TOM1L1: variants seen among roughly 807,000 people sequenced by gnomAD.
The protein encoded by TOM1L1 is TOM1-like protein 1.
Under a neutral mutation model 63.4 loss-of-function variants are expected in TOM1L1, and 64 were observed. The ratio of observed to expected loss-of-function variants is 1.01; its 90% CI spans 0.83 to 1.24. The LOEUF (loss-of-function observed/expected upper bound fraction) is 1.24. Ranked by LOEUF, TOM1L1 falls within the 50% of genes most tolerant of loss-of-function variation. The pLI is 0.00. For synonymous variants in TOM1L1, 166 were observed against 194.4 expected (o/e 0.85, Z 1.22); for missense variants, 536 against 567.0 (o/e 0.95, Z 0.55).
intron 2 of TOM1L1, among the ~76,000 whole-genome samples, chr17:54,905,070 T>C (rs762506359): frequency 2.0e-5 from 3 of 152,220 alleles, no homozygotes; most frequent in Non-Finnish European, 2.9e-5. Flanking sequence ...TGACCTAGTT[T>C]GTTGTAATTC....
chr17:54,924,500 G>A (rs952097659), intron 7 of TOM1L1, among the ~76,000 whole-genome samples: 5 of 151,906 alleles, frequency 3.3e-5, no homozygotes, highest in African/African-American at 9.7e-5. Flanking sequence ...GGCTGATCTC[G>A]AACTCTTTCT....
At chr17:54,914,096 G>A (rs910148330) in intron 5 of TOM1L1, among the ~76,000 whole-genome samples, 2 of 152,126 alleles carry the variant, frequency 1.3e-5, no homozygotes, top group Non-Finnish European at 2.9e-5. Flanking sequence ...TTCCACCCTA[G>A]ACTAATCAGA....
chr17:54,935,921 G>A (rs569799354), intron 8 of TOM1L1, among the ~76,000 whole-genome samples: 27 of 152,022 alleles, frequency 1.8e-4, no homozygotes, highest in Middle Eastern at 3.2e-3. Context: ...TCGGGAGTTC[G>A]AAACCAGCCT....
intron 3 of TOM1L1, among the ~76,000 whole-genome samples, chr17:54,910,258 C>A (rs1484385043): frequency 6.6e-6 from 1 of 152,118 alleles, no homozygotes; most frequent in African/African-American, 2.4e-5. Context: ...GAGTTTGAGA[C>A]CAGCCTGGCC....
chr17:54,913,002 G>A (rs1236213429), intron 4 of TOM1L1, among the ~76,000 whole-genome samples, 187 bp downstream of exon 4: 2 of 152,114 alleles, frequency 1.3e-5, no homozygotes, highest in Non-Finnish European at 2.9e-5. Context: ...TGAAGAATTT[G>A]TAGTCATTTC....
At position 54,950,044 on chromosome 17, in the gene TOM1L1, G is replaced by A; in HGVS notation, c.1289-1G>A. 2 of 1,611,176 alleles carry A rather than the reference G, an allele frequency of 1.2e-6. No individual in the cohort carries two copies. Among genetic ancestry groups the A allele is most frequent in the Non-Finnish European group, 1.7e-6 (2 of 1,179,002 alleles). ...TTACTGGTCTCTTTTTTTGCCCAAAGCGATGACAAAAAGTGATCTCCAGCC... is the reference window on the plus strand; with the variant it reads ...TTACTGGTCTCTTTTTTTGCCCAAAACGATGACAAAAAGTGATCTCCAGCC... On this transcript the variant is annotated splice_acceptor_variant, in intron 13 of 15. Transcript: ENST00000575882. LOFTEE classifies it high-confidence loss of function.
At chr17:54,959,175 G>A (rs557750456) in intron 14 of TOM1L1, 4 of 152,316 alleles carry the variant, frequency 2.6e-5, no homozygotes, top group African/African-American at 9.6e-5. Context: ...GCACCATTCT[G>A]GGGCCTTATG....
intron 12 of TOM1L1, among the ~76,000 whole-genome samples, chr17:54,948,928 G>C (rs1343119031): frequency 6.6e-6 from 1 of 152,262 alleles, no homozygotes; most frequent in African/African-American, 2.4e-5. Context: ...AGAGAATCTG[G>C]CCTGAGCCAT....
intron 1 of TOM1L1, among the ~76,000 whole-genome samples, chr17:54,902,538 C>T (rs2048344045): frequency 1.3e-5 from 2 of 152,336 alleles, no homozygotes; most frequent in East Asian, 1.9e-4. Flanking sequence ...GATCTACCCA[C>T]CTCGGCCTCC....
chr17:54,936,623 C>T (rs755016055), intron 8 of TOM1L1, 26 bp from the exon 9 acceptor site: 12 of 1,566,016 alleles, frequency 7.7e-6, no homozygotes, highest in Non-Finnish European at 1.0e-5. Flanking sequence ...TTTTTAAAAA[C>T]ACATGCATTT....
At chr17:54,960,750 A>C in intron 15 of TOM1L1, 123 bp downstream of exon 15, 1 of 707,410 alleles carries the variant, frequency 1.4e-6, no homozygotes, top group South Asian at 1.7e-5. Context: ...TTGAAATATG[A>C]GTTCCCCTGA....
intron 7 of TOM1L1, among the ~76,000 whole-genome samples, chr17:54,922,824 G>A (rs777331348): frequency 1.4e-4 from 22 of 152,056 alleles, no homozygotes; most frequent in Non-Finnish European, 2.9e-4. Context: ...GTTGTTCAAG[G>A]TTCAACAGTA....
intron 7 of TOM1L1, among the ~76,000 whole-genome samples, chr17:54,928,748 G>A (rs989086938): frequency 6.6e-6 from 1 of 152,152 alleles, no homozygotes; most frequent in African/African-American, 2.4e-5. Flanking sequence ...TGGCAAATAG[G>A]ATGGTTTTTC....
intron 2 of TOM1L1, among the ~76,000 whole-genome samples, chr17:54,904,486 G>A (rs888300197): frequency 3.9e-5 from 6 of 151,938 alleles, no homozygotes; most frequent in African/African-American, 1.5e-4. Flanking sequence ...GAAGCTGGTT[G>A]ACTCCCGGTG....
chr17:54,912,415 C>G (rs41455544), intron 3 of TOM1L1, among the ~76,000 whole-genome samples: 25,185 of 152,188 alleles, frequency 0.17, 2,289 homozygotes, highest in South Asian at 0.26. Context: ...ATTTAGTACT[C>G]TGCATTGGTG....
At chr17:54,959,777 A>G (rs931883830) in intron 14 of TOM1L1, among the ~76,000 whole-genome samples, 3 of 151,962 alleles carry the variant, frequency 2.0e-5, no homozygotes, top group African/African-American at 4.8e-5. Context: ...ACCACCACAC[A>G]TGATAATTTT....
chr17:54,901,153 G>A (rs1311537702), intron 1 of TOM1L1: 2 of 616,144 alleles, frequency 3.2e-6, no homozygotes, highest in African/African-American at 3.7e-5. Context: ...CCTTCCTTTC[G>A]ATGCCGCCTG....
chr17:54,922,843 A>T (rs1274383430), intron 7 of TOM1L1, among the ~76,000 whole-genome samples: 1 of 152,136 alleles, frequency 6.6e-6, no homozygotes, highest in African/African-American at 2.4e-5. Flanking sequence ...TATTTCCTCT[A>T]TTTAATTCCA....
At chr17:54,924,228 A>T (rs921873312) in intron 7 of TOM1L1, among the ~76,000 whole-genome samples, 2 of 145,346 alleles carry the variant, frequency 1.4e-5, no homozygotes, top group Non-Finnish European at 3.0e-5. Flanking sequence ...CCTGACTCTT[A>T]TGCTTCCCTG....
Sources: allele counts gnomAD v4.1 joint callset (sites outside exome capture counted in the v4.1 genomes callset), GRCh38; gene constraint gnomAD v4.1.1; transcripts MANE v1.5; gene names NCBI Gene and HGNC (gene_info 2026-07-23, HGNC 2026-07-21).